C2CD3: variants seen among roughly 807,000 people sequenced by gnomAD.
C2CD3 encodes C2 domain containing 3 centriole elongation regulator.
In C2CD3, 148 loss-of-function variants were observed where a neutral mutation model predicts 234.0. The ratio of observed to expected loss-of-function variants is 0.63; its 90% CI spans 0.55 to 0.72. The LOEUF (loss-of-function observed/expected upper bound fraction) is 0.72, where lower values mean the gene tolerates loss of function less well. Among genes scored for constraint, C2CD3 ranks in the 30% least tolerant of loss-of-function variants. The probability of loss-of-function intolerance (pLI) is 0.00; values close to 1 mark genes in which losing one functional copy is unlikely to be tolerated. For synonymous variants in C2CD3, 1,000 were observed against 1,035.4 expected, an observed-to-expected ratio of 0.97 and a Z score of 0.66; for missense variants, 2,577 against 2,811.5, an observed-to-expected ratio of 0.92 and a Z score of 1.89.
rs573193561 is a variant in C2CD3 at position 74,141,840 on chromosome 11, T to A, written c.484-2012A>T. On this transcript the variant is annotated intron_variant, in intron 3 of 32. Coordinates refer to ENST00000334126, the MANE Select transcript of C2CD3 (RefSeq NM_001286577.2). ...TGAGAACCTGTCACTACAAAAAATT[T>A]AAAAAAAAAAATTAGCTGGGCATGG... is the stretch of plus-strand genomic sequence containing the variant. Among the ~76,000 whole-genome samples, 372 of 147,394 alleles carry A rather than the reference T, an allele frequency of 2.5e-3. 1 individual carries two copies. Among genetic ancestry groups the A allele is most frequent in the South Asian group, 0.012 (56 of 4,642 alleles).
rs1856956880 is a variant in C2CD3 at position 74,168,613 on chromosome 11, C to T, written c.56G>A (p.Gly19Asp). The T allele has an allele frequency of 6.2e-7, 1 of 1,609,090 alleles. No homozygotes were observed. The change falls in exon 2 of 33, where the codon GGT becomes GAT. Residue 19 changes from glycine to aspartate, a missense_variant and splice_region_variant. By Grantham distance (94) the Gly-to-Asp change is moderately conservative (BLOSUM62 -1). Coordinates refer to ENST00000334126, the MANE Select transcript of C2CD3 (RefSeq NM_001286577.2). ...SGGSRGRKKR[G>D]LSDISPSTSL... ...TGTAGATGGAGAAATGTCACTTAAA[C>T]CTGTAGAGGAATCCAAGAAAACTGA...
intron 32 of C2CD3, among the ~76,000 whole-genome samples, chr11:74,027,417 C>T (rs1952346198): frequency 6.6e-6 from 1 of 152,110 alleles, no homozygotes; most frequent in Admixed American, 6.6e-5. Context: ...CTAGTTTCCT[C>T]ATTTTAAATA....
intron 7 of C2CD3, among the ~76,000 whole-genome samples, chr11:74,131,792 G>A (rs920133475): frequency 2.0e-5 from 3 of 151,820 alleles, no homozygotes; most frequent in Non-Finnish European, 2.9e-5. Context: ...GGCTGGTCTC[G>A]AACTCCTGAA....
chr11:74,165,203 A>G (rs1241053516), intron 2 of C2CD3, among the ~76,000 whole-genome samples: 1 of 152,152 alleles, frequency 6.6e-6, no homozygotes, highest in Non-Finnish European at 1.5e-5. Flanking sequence ...TTTATATGTT[A>G]TTTTTATCTG....
intron 30 of C2CD3, chr11:74,036,454 C>G (rs1035195964): frequency 2.6e-5 from 12 of 455,900 alleles, no homozygotes; most frequent in Non-Finnish European, 2.6e-5. Flanking sequence ...GAGCATTTAT[C>G]TGAGGCCATG....
intron 3 of C2CD3, among the ~76,000 whole-genome samples, chr11:74,147,497 T>C (rs1349150435): frequency 6.6e-6 from 1 of 152,196 alleles, no homozygotes; most frequent in Non-Finnish European, 1.5e-5. Flanking sequence ...CATTAGTACA[T>C]GGATATTAGG....
intron 2 of C2CD3, among the ~76,000 whole-genome samples, chr11:74,166,000 G>A (rs903716453): frequency 4.6e-5 from 7 of 151,856 alleles, no homozygotes; most frequent in Admixed American, 2.6e-4. Context: ...GCCTCTTATC[G>A]CTTCATTTTC....
At chr11:74,025,273 GTA>G (rs778350616) in intron 32 of C2CD3, among the ~76,000 whole-genome samples, 2 of 152,136 alleles carry the variant, frequency 1.3e-5, no homozygotes, top group African/African-American at 4.8e-5. Context: ...TTCAGGTGGT[GTA>G]ACAGAAGAGC....
chr11:74,081,841 A>C (rs1334425968), intron 22 of C2CD3, among the ~76,000 whole-genome samples: 1 of 152,170 alleles, frequency 6.6e-6, no homozygotes. Flanking sequence ...TTGTATCCTG[A>C]GACTTTGCTG....
intron 32 of C2CD3, among the ~76,000 whole-genome samples, chr11:74,023,477 A>G (rs983077429): frequency 8.5e-5 from 13 of 152,212 alleles, no homozygotes; most frequent in Non-Finnish European, 1.8e-4. Context: ...CTGTGCCTGA[A>G]GCATCACTGA....
At position 74,123,074 on chromosome 11, in the gene C2CD3, G is replaced by C; in HGVS notation, c.1279C>G (p.Pro427Ala). ...CTGATGCAATACACATCACTCCCAGGAGATGGGGAATCTGGAGGAGAGCCT... is the reference window on the plus strand; with the variant it reads ...CTGATGCAATACACATCACTCCCAGCAGATGGGGAATCTGGAGGAGAGCCT... Reference protein sequence around the residue: ...GLGSPPDSPSPGSDVYCISEL... With the variant: ...GLGSPPDSPSAGSDVYCISEL... The change falls in exon 8 of 33, where the codon CCT becomes GCT. Residue 427 changes from proline to alanine, a missense_variant. Coordinates refer to ENST00000334126, the MANE Select transcript of C2CD3 (RefSeq NM_001286577.2). 6.2e-7 allele frequency: 1 copy of C among 1,612,588 alleles called. No individual in the cohort carries two copies. The highest frequency in any genetic ancestry group is 8.5e-7 in the Non-Finnish European group (1 of 1,178,594).
intron 21 of C2CD3, 137 bp downstream of exon 21, chr11:74,085,479 CTA>C: frequency 1.2e-6 from 1 of 810,322 alleles, no homozygotes; most frequent in South Asian, 1.8e-5. Flanking sequence ...TTATTTTTTG[CTA>C]TATCTTTCAG....
intron 29 of C2CD3, among the ~76,000 whole-genome samples, chr11:74,040,841 A>G (rs1331058197): frequency 6.6e-6 from 1 of 151,926 alleles, no homozygotes; most frequent in African/African-American, 2.4e-5. Flanking sequence ...TAAGGAGGGA[A>G]GCAAGGCCAG....
intron 13 of C2CD3, 33 bp from the exon 14 acceptor site, chr11:74,103,658 A>C (rs1166353376): frequency 6.4e-7 from 1 of 1,563,288 alleles, no homozygotes; most frequent in Non-Finnish European, 8.6e-7. Context: ...AGTCAATAAG[A>C]ATGTCCTTTA....
intron 30 of C2CD3, among the ~76,000 whole-genome samples, chr11:74,035,909 G>A (rs932109901): frequency 7.2e-5 from 11 of 151,792 alleles, no homozygotes; most frequent in African/African-American, 1.5e-4. Flanking sequence ...TGTCCAGGCC[G>A]GGGTGCAGTG....
In C2CD3 at chr11:74,092,487, C is replaced by T. The variant is rs768568536; in HGVS notation, c.3446G>A (p.Gly1149Glu). The T allele has an allele frequency of 6.2e-7, 1 of 1,613,616 alleles. No individual in the cohort carries two copies. Among genetic ancestry groups the T allele is most frequent in the Non-Finnish European group, 8.5e-7 (1 of 1,179,584 alleles). Residue 1149 changes from glycine (G) to glutamate (E), a missense_variant, in exon 19 of 33, where the codon GGA becomes GAA. By Grantham distance (98) the Gly-to-Glu change is moderately conservative. Coordinates refer to ENST00000334126, the MANE Select transcript of C2CD3 (RefSeq NM_001286577.2). The stretch of plus-strand genomic sequence containing the variant: ...TAAAGGGAGATTAAAGGTCTGTATT[C>T]CCACATCCTCACGATGCTGGGTGGT... ...MVTTQHREDV[G>E]IQTFNLPLTP...
At chr11:74,126,369 G>C (rs1422343186) in intron 7 of C2CD3, among the ~76,000 whole-genome samples, 1 of 151,966 alleles carries the variant, frequency 6.6e-6, no homozygotes, top group East Asian at 1.9e-4. Context: ...TTCATTCACT[G>C]TTCTGAGTTC....
chr11:74,125,109 G>T (rs1379854060), intron 7 of C2CD3, among the ~76,000 whole-genome samples: 1 of 152,152 alleles, frequency 6.6e-6, no homozygotes, highest in Non-Finnish European at 1.5e-5. Flanking sequence ...CTCCTCAGAG[G>T]TGATCACTTT....
At chr11:74,128,248 T>A (rs1306663553) in intron 7 of C2CD3, among the ~76,000 whole-genome samples, 6 of 152,242 alleles carry the variant, frequency 3.9e-5, no homozygotes, top group Admixed American at 3.3e-4. Context: ...TGTTCCTTAA[T>A]TATTAAGTCA....
Sources: allele counts gnomAD v4.1 joint callset (sites outside exome capture counted in the v4.1 genomes callset), GRCh38; gene constraint gnomAD v4.1.1; transcripts MANE v1.5; gene names NCBI Gene and HGNC (gene_info 2026-07-23, HGNC 2026-07-21).